CACUL1: variants seen among roughly 807,000 people sequenced by gnomAD.
CACUL1 encodes the protein CDK2-associated and cullin domain-containing protein 1.
A neutral mutation model predicts 45.2 loss-of-function variants in CACUL1; 13 were observed. That is an observed-to-expected ratio of 0.29 (90% CI 0.19 to 0.46). The LOEUF is 0.46. CACUL1 is among the 20% of genes least tolerant of loss of function. The pLI, the probability that CACUL1 is intolerant of heterozygous loss-of-function variation, is 1.00. For missense variants in CACUL1, 421 were observed against 471.4 expected (o/e 0.89, Z 0.99); for synonymous variants, 197 against 174.2 (o/e 1.13, Z -1.03).
intron 1 of CACUL1, among the ~76,000 whole-genome samples, chr10:118,735,652 C>A (rs4752194): frequency 0.79 from 120,774 of 152,032 alleles, 48,062 homozygotes; most frequent in Admixed American, 0.83. Context: ...GTTCTCAACA[C>A]CTTGGAGAGT....
chr10:118,747,361 A>G (rs1564840198), intron 1 of CACUL1, among the ~76,000 whole-genome samples: 1 of 152,208 alleles, frequency 6.6e-6, no homozygotes, highest in Non-Finnish European at 1.5e-5. Context: ...GCAGTTTCTC[A>G]TAAAGTTAAA....
chr10:118,728,854 G>T (rs1004127550), intron 3 of CACUL1, among the ~76,000 whole-genome samples: 2 of 152,130 alleles, frequency 1.3e-5, no homozygotes, highest in Admixed American at 6.5e-5. Context: ...TTTACAGGAG[G>T]TTTATCAATA....
chr10:118,693,715 C>A (rs1303211364), intron 6 of CACUL1: 1 of 456,768 alleles, frequency 2.2e-6, no homozygotes, highest in Non-Finnish European at 4.4e-6. Context: ...ATTTCAGGAG[C>A]CATCTTCATC....
rs866390193 is a variant in CACUL1 at position 118,752,261 on chromosome 10, A to G, written c.367+2135T>C. 2.0e-5 allele frequency among the ~76,000 whole-genome samples: 3 copies of G among 152,158 alleles called. No individual in the cohort carries two copies. In the South Asian group the frequency reaches 6.2e-4, roughly 31 times the overall value. On this transcript the variant is annotated intron_variant, in intron 1 of 8. Transcript: ENST00000369151. ...TACGGATCTTAAAGTATATGTATCT[A>G]AAATTTCTCCATTAAGTATTATTAT...
At chr10:118,741,482 A>ACC (rs1257530737) in intron 1 of CACUL1, among the ~76,000 whole-genome samples, 1 of 151,138 alleles carries the variant, frequency 6.6e-6, no homozygotes, top group East Asian at 1.9e-4. Context: ...ACACACACAC[A>ACC]CCCCCTCACT....
intron 5 of CACUL1, among the ~76,000 whole-genome samples, chr10:118,697,488 GT>G (rs1382439176): frequency 1.3e-5 from 2 of 152,190 alleles, no homozygotes; most frequent in Admixed American, 6.5e-5. Flanking sequence ...ATCTAGACAG[GT>G]TAAGTGTCTT....
At chr10:118,734,860 T>C (rs4752193) in intron 1 of CACUL1, among the ~76,000 whole-genome samples, 3,736 of 151,804 alleles carry the variant, frequency 0.025, 52 homozygotes, top group East Asian at 0.06. Context: ...CTGAAACACA[T>C]GGAATAGCTG....
intron 4 of CACUL1, 146 bp downstream of exon 4, chr10:118,707,346 T>C: frequency 2.0e-6 from 1 of 491,688 alleles, no homozygotes. Context: ...TGTCAACAAC[T>C]ATCGCACATT....
chr10:118,686,614 C>G lies in CACUL1; in HGVS notation c.1053G>C (p.Gly351=), dbSNP rs781074966. 6.2e-7 allele frequency: 1 copy of G among 1,613,542 alleles called. No homozygotes were observed. Among genetic ancestry groups the G allele is most frequent in the South Asian group, 1.1e-5 (1 of 91,066 alleles). Residue 351 remains glycine, a synonymous_variant, in exon 8 of 9, where the codon GGG becomes GGC. Transcript: ENST00000369151. ...ATTACTTACTATAAGCCAACTCATC[C>G]CCAGCTCTCTTCCGGGACTGGTCAC... ...TRGDQSRKRA[G]DELAYNSSSA... is the part of the protein sequence containing the mutation.
Position 118,687,284 on chromosome 10 carries a change from C to T in CACUL1, c.1026-643G>A, listed in dbSNP as rs116224293. 6.0e-3 allele frequency among the ~76,000 whole-genome samples: 921 copies of T among 152,258 alleles called. 12 individuals are homozygous for T. Among genetic ancestry groups the T allele is most frequent in the African/African-American group, 0.021 (866 of 41,534 alleles). Reference sequence around the variant, plus strand: ...ATCTCCAACTCTGCCTTCCTCTCTACGCTTCAGATCTACAGGTCCAACTCC... The same window carrying T: ...ATCTCCAACTCTGCCTTCCTCTCTATGCTTCAGATCTACAGGTCCAACTCC... On this transcript the variant is annotated intron_variant, in intron 7 of 8. Transcript: ENST00000369151.
At position 118,754,593 on chromosome 10, in the gene CACUL1, A is replaced by G; in HGVS notation, c.170T>C (p.Leu57Pro). The change falls in exon 1 of 9, where the codon CTG (leucine) becomes CCG (proline). Residue 57 changes from leucine to proline, a missense_variant. Leu to Pro is a moderately conservative substitution (Grantham distance 98, BLOSUM62 -3). Coordinates refer to ENST00000369151, the MANE Select transcript of CACUL1 (RefSeq NM_153810.5). ...CACGGAGACCGCGGGCACCGCCAGC[A>G]GCTGCCCCCCCGGAGGCTCTCGGGC... ...APAREPPGGQ[L>P]LAVPAVSVDR... The G allele has an allele frequency of 6.2e-7, 1 of 1,609,140 alleles. No individual in the cohort carries two copies. Among genetic ancestry groups the G allele is most frequent in the Non-Finnish European group, 8.5e-7 (1 of 1,177,972 alleles).
At position 118,680,193 on chromosome 10, in the gene CACUL1, T is replaced by C. The variant is rs1171142146; in HGVS notation, c.*5935A>G. 6.6e-6 allele frequency: 1 copy of C among 152,098 alleles called. No individual in the cohort carries two copies. Among genetic ancestry groups the C allele is most frequent in the East Asian group, 1.9e-4 (1 of 5,204 alleles). The allele number at this position is 152,098 out of a possible 1,614,324, so 9.4% of individuals were successfully genotyped here. On this transcript the variant is annotated 3_prime_UTR_variant, in exon 9 of 9. Coordinates refer to ENST00000369151, the MANE Select transcript of CACUL1 (RefSeq NM_153810.5). ...CAAGGTATTTTAGAATTTTAGATAA[T>C]TGAGAAACAGGCCAATCGAAGAAAT... is the stretch of plus-strand genomic sequence containing the variant.
intron 3 of CACUL1, among the ~76,000 whole-genome samples, chr10:118,711,461 T>C (rs1489567156): frequency 2.6e-5 from 4 of 152,208 alleles, no homozygotes; most frequent in Non-Finnish European, 5.9e-5. Flanking sequence ...CTTTTAACTA[T>C]AACTAATGAA....
chr10:118,697,577 G>A (rs534579874), intron 5 of CACUL1, among the ~76,000 whole-genome samples: 11 of 152,338 alleles, frequency 7.2e-5, no homozygotes, highest in Admixed American at 3.3e-4. Flanking sequence ...ATTCCTCAGT[G>A]CTACACACTT....
At chr10:118,738,900 A>T (rs1276461999) in intron 1 of CACUL1, among the ~76,000 whole-genome samples, 1 of 148,086 alleles carries the variant, frequency 6.8e-6, no homozygotes, top group Non-Finnish European at 1.5e-5. Flanking sequence ...CTTAAAAAAA[A>T]AAAAAAAAAA....
At chr10:118,740,723 G>A (rs1056345061) in intron 1 of CACUL1, among the ~76,000 whole-genome samples, 8 of 151,980 alleles carry the variant, frequency 5.3e-5, no homozygotes, top group Non-Finnish European at 1.2e-4. Flanking sequence ...TCAGGAGATC[G>A]AGACCATCCT....
At chr10:118,726,348 C>A (rs1386273385) in intron 3 of CACUL1, 4 of 1,286,344 alleles carry the variant, frequency 3.1e-6, no homozygotes, top group Non-Finnish European at 4.1e-6. Context: ...GTACAGGTCA[C>A]ATTTAGTTAC....
In CACUL1 at chr10:118,754,488, TTCAACA is replaced by T. The variant is rs1468560669; in HGVS notation, c.269_274del (p.Met90_Leu91del). The T allele has an allele frequency of 1.9e-6, 3 of 1,612,812 alleles. No individual in the cohort carries two copies. The highest frequency in any genetic ancestry group is 2.5e-6 in the Non-Finnish European group (3 of 1,179,428). ...CACGGCGGCGGCCGCGTCGCAGCTC[TTCAACA>T]TCATGATCACCCCATTAGCCTCCGG... On this transcript the variant is annotated inframe_deletion, in exon 1 of 9. Coordinates refer to ENST00000369151, the MANE Select transcript of CACUL1 (RefSeq NM_153810.5).
rs962252312 is a variant in CACUL1 at position 118,754,269 on chromosome 10, C to T, written c.367+127G>A. 16 of 1,357,712 alleles carry T rather than the reference C, an allele frequency of 1.2e-5. No individual in the cohort carries two copies. The Admixed American group carries it at 2.5e-4, about 22-fold the overall frequency. The allele number at this position is 1,357,712 out of a possible 1,614,324, so 84.1% of individuals were successfully genotyped here. On this transcript the variant is annotated intron_variant, in intron 1 of 8. Coordinates refer to ENST00000369151, the MANE Select transcript of CACUL1 (RefSeq NM_153810.5). ...GGGGAAGGAGGCAGGGAGGCGAAGG[C>T]GGACGGGGAGAAGAGGAAAGACCGA...
Sources: allele counts gnomAD v4.1 joint callset (sites outside exome capture counted in the v4.1 genomes callset), GRCh38; gene constraint gnomAD v4.1.1; transcripts MANE v1.5; gene names NCBI Gene and HGNC (gene_info 2026-07-23, HGNC 2026-07-21).